MMAB: variants seen among roughly 807,000 people sequenced by gnomAD.
The protein encoded by MMAB is metabolism of cobalamin associated B.
Under a neutral mutation model 30.6 loss-of-function variants are expected in MMAB, and 17 were observed. The observed-to-expected ratio is 0.56, with a 90% CI of 0.38 to 0.83. The LOEUF (loss-of-function observed/expected upper bound fraction) is 0.83, where lower values mean the gene tolerates loss of function less well. MMAB is among the 40% of genes least tolerant of loss of function. The probability of loss-of-function intolerance (pLI) is 0.00; values close to 1 mark genes in which losing one functional copy is unlikely to be tolerated. For missense variants in MMAB, 311 were observed against 331.6 expected, an observed-to-expected ratio of 0.94 and a Z score of 0.48; for synonymous variants, 134 against 138.6, an observed-to-expected ratio of 0.97 and a Z score of 0.23.
chr12:109,571,844 T>C (rs1407375400), intron 1 of MMAB, 134 bp from the exon 2 acceptor site: 7 of 743,148 alleles, frequency 9.4e-6, no homozygotes, highest in Non-Finnish European at 1.7e-5. Context: ...GATGGTCATC[T>C]CTTGTTGATT....
rs1013599814 is a variant in MMAB at position 109,561,591 on chromosome 12, C to T, written c.422-74G>A. 11 of 1,361,660 alleles carry T rather than the reference C, an allele frequency of 8.1e-6. No individual in the cohort carries two copies. Among genetic ancestry groups the T allele is most frequent in the Admixed American group, 2.0e-5 (1 of 50,788 alleles). 84.3% of individuals were successfully genotyped at this position (1,361,660 alleles called of 1,614,324 possible). ...AGACCATGGCGGGAACCACCCCCGC[C>T]GCCCTTCCACCTGGGTGTCCCGCAG... is the stretch of plus-strand genomic sequence containing the variant. On this transcript the variant is annotated intron_variant, in intron 5 of 8. Coordinates refer to ENST00000545712, the MANE Select transcript of MMAB (RefSeq NM_052845.4). The surrounding 1 kb of genome is among the most constrained non-coding windows in gnomAD (Gnocchi z 5.3).
chr12:109,573,431 C>G lies in MMAB; in HGVS notation c.50G>C (p.Gly17Ala). ...GGCGGCGCCGAAGCACCCGCGCAGG[C>G]CAAGACGGCTCCCCAGGCCAAGACG... ...GSRLGLGSRL[G>A]LRGCFGAARL... The change falls in exon 1 of 9, where the codon GGC becomes GCC. Residue 17 changes from glycine (G) to alanine (A), a missense_variant. Transcript: ENST00000545712. The G allele has an allele frequency of 2.5e-6, 4 of 1,607,198 alleles. No individual in the cohort carries two copies. Among genetic ancestry groups the G allele is most frequent in the Non-Finnish European group, 2.5e-6 (3 of 1,177,788 alleles).
At position 109,569,587 on chromosome 12, in the gene MMAB, C is replaced by T. The variant is rs915536940; in HGVS notation, c.197-724G>A. Among the ~76,000 whole-genome samples the T allele has an allele frequency of 2.0e-5, 3 of 152,232 alleles. No homozygotes were observed. The highest frequency in any genetic ancestry group is 2.9e-5 in the Non-Finnish European group (2 of 68,038). On this transcript the variant is annotated intron_variant, in intron 2 of 8. Transcript: ENST00000545712. The surrounding 1 kb of genome is among the most constrained non-coding windows in gnomAD (Gnocchi z 4.1). Reference sequence around the variant, plus strand: ...AAGTCAAAGTCCTCTGTGCCTCTGCCTAGCTCACAGTCCCGCCTTTCTCCC... The same window carrying T: ...AAGTCAAAGTCCTCTGTGCCTCTGCTTAGCTCACAGTCCCGCCTTTCTCCC...
In MMAB at chr12:109,554,052, G is replaced by T. The variant is rs573257028; in HGVS notation, c.*2976C>A. The T allele has an allele frequency of 4.4e-6, 2 of 454,088 alleles. No individual in the cohort carries two copies. The highest frequency in any genetic ancestry group is 1.4e-4 in the East Asian group (2 of 14,402). 28.1% of individuals were successfully genotyped at this position (454,088 alleles called of 1,614,324 possible). Reference sequence around the variant, plus strand: ...GATCTATCAGAGCCTGGCATTGTTCGCCACAGCCCAGGTAGTGATTAAAAC... The same window carrying T: ...GATCTATCAGAGCCTGGCATTGTTCTCCACAGCCCAGGTAGTGATTAAAAC... On this transcript the variant is annotated 3_prime_UTR_variant, in exon 9 of 9. Transcript: ENST00000545712.
At chr12:109,570,700 T>C (rs142555965) in intron 2 of MMAB, among the ~76,000 whole-genome samples, 1 of 151,910 alleles carries the variant, frequency 6.6e-6, no homozygotes, top group Non-Finnish European at 1.5e-5. Context: ...CAAGACCTCA[T>C]CTCTACAAAA....
chr12:109,560,934 C>CCCCTCT, intron 7 of MMAB, 106 bp downstream of exon 7: 1 of 1,004,380 alleles, frequency 1.0e-6, no homozygotes, highest in South Asian at 1.3e-5. Flanking sequence ...TGTGCAGAGG[C>CCCCTCT]CCCTCTCCCT....
chr12:109,570,591 G>A (rs993673121), intron 2 of MMAB, among the ~76,000 whole-genome samples: 1 of 152,080 alleles, frequency 6.6e-6, no homozygotes, highest in Non-Finnish European at 1.5e-5. Context: ...TACTGTCTTG[G>A]TGCGGTAGCT....
chr12:109,555,248 C>G lies in MMAB; in HGVS notation c.*1780G>C, dbSNP rs1008275207. 2.2e-6 allele frequency: 1 copy of G among 447,098 alleles called. No homozygotes were observed. The allele number at this position is 447,098 out of a possible 1,614,324, so 27.7% of individuals were successfully genotyped here. A position where few individuals can be genotyped will look rare whatever the true frequency, so the allele number is the denominator to read the frequency against. On this transcript the variant is annotated 3_prime_UTR_variant, in exon 9 of 9. Coordinates refer to ENST00000545712, the MANE Select transcript of MMAB (RefSeq NM_052845.4). ...CAAGCTCTTTGAACATACTCCCTGA[C>G]CGAGCCTTAGTGATTGCGTTTTCAG...
At chr12:109,566,098 C>T (rs1034782685) in intron 3 of MMAB, among the ~76,000 whole-genome samples, 1 of 152,072 alleles carries the variant, frequency 6.6e-6, no homozygotes, top group Admixed American at 6.5e-5. Flanking sequence ...TCTGGAGTCA[C>T]TCAGCAGGGA....
At chr12:109,570,090 CG>C in intron 2 of MMAB, 1 of 318,190 alleles carries the variant, frequency 3.1e-6, no homozygotes, top group Non-Finnish European at 6.4e-6. Flanking sequence ...GGCAAATCCC[CG>C]TCTCTACTAA....
At position 109,561,200 on chromosome 12, in the gene MMAB, G is replaced by T. The variant is rs11610545; in HGVS notation, c.520-96C>A. ...GAAGTCCAGCCCTGCCCCCCAAACC[G>T]GGCAGTGTTCTGCCTCCAGGAGCCC... On this transcript the variant is annotated intron_variant, in intron 6 of 8. Transcript: ENST00000545712. The surrounding 1 kb of genome is among the most constrained non-coding windows in gnomAD (Gnocchi z 5.3). 1.3e-6 allele frequency: 2 copies of T among 1,594,228 alleles called. No individual in the cohort carries two copies. Among genetic ancestry groups the T allele is most frequent in the Non-Finnish European group, 1.7e-6 (2 of 1,175,714 alleles).
intron 8 of MMAB, among the ~76,000 whole-genome samples, chr12:109,557,893 T>A (rs1307961475): frequency 6.6e-6 from 1 of 152,214 alleles, no homozygotes; most frequent in East Asian, 1.9e-4. Context: ...CATGAGGCCT[T>A]CTGCAGGGGC....
intron 4 of MMAB, among the ~76,000 whole-genome samples, chr12:109,562,309 T>C (rs1318922237): frequency 6.6e-6 from 1 of 152,238 alleles, no homozygotes; most frequent in Non-Finnish European, 1.5e-5. Context: ...TAAACTTCTT[T>C]TCTTTATAAA....
chr12:109,565,052 G>T, intron 4 of MMAB, 67 bp downstream of exon 4: 1 of 1,189,676 alleles, frequency 8.4e-7, no homozygotes, highest in Non-Finnish European at 1.3e-6. Context: ...CTGGTGGCTG[G>T]ATGCTGAGTC....
intron 7 of MMAB, 57 bp from the exon 8 acceptor site, chr12:109,559,212 C>T (rs535211684): frequency 1.5e-6 from 2 of 1,340,892 alleles, no homozygotes; most frequent in African/African-American, 1.4e-5. Context: ...CAGGCTCTGA[C>T]CTGGGCCTAA....
Position 109,558,989 on chromosome 12 carries a change from G to C in MMAB, c.644+107C>G, listed in dbSNP as rs1444072024. 1.2e-6 allele frequency: 1 copy of C among 801,298 alleles called. No individual in the cohort carries two copies. The highest frequency in any genetic ancestry group is 1.9e-5 in the Admixed American group (1 of 52,478). The allele number at this position is 801,298 out of a possible 1,614,324, so 49.6% of individuals were successfully genotyped here. Reference sequence around the variant, plus strand: ...AAACACTAAGGGAATGAAGGAGGGGGTGCGGGAATGCTGCCCCACACTGCT... The same window carrying C: ...AAACACTAAGGGAATGAAGGAGGGGCTGCGGGAATGCTGCCCCACACTGCT... On this transcript the variant is annotated intron_variant, in intron 8 of 8. Transcript: ENST00000545712. The surrounding 1 kb of genome is among the most constrained non-coding windows in gnomAD (Gnocchi z 4.3).
Position 109,554,009 on chromosome 12 carries a change from T to C in MMAB, c.*3019A>G, listed in dbSNP as rs78065254. The C allele has an allele frequency of 2.2e-3, 1,021 of 454,026 alleles. 7 individuals carry two copies. Among genetic ancestry groups the C allele is most frequent in the African/African-American group, 0.018 (920 of 50,092 alleles). 28.1% of individuals were successfully genotyped at this position (454,026 alleles called of 1,614,324 possible). ...AAATATTAGTTAAGGGAAACTAGGTTGAGAAATGAGACAGCAGGATCTATC... is the reference window on the plus strand; with the variant it reads ...AAATATTAGTTAAGGGAAACTAGGTCGAGAAATGAGACAGCAGGATCTATC... On this transcript the variant is annotated 3_prime_UTR_variant, in exon 9 of 9. Transcript: ENST00000545712.
intron 8 of MMAB, among the ~76,000 whole-genome samples, chr12:109,557,518 G>A (rs1256044013): frequency 6.6e-6 from 1 of 152,220 alleles, no homozygotes. Context: ...GCATCACCAG[G>A]GGATCTCAGC....
intron 1 of MMAB, among the ~76,000 whole-genome samples, chr12:109,572,704 T>C (rs1404621729): frequency 6.6e-6 from 1 of 152,066 alleles, no homozygotes; most frequent in Non-Finnish European, 1.5e-5. Context: ...CTTAACTCTA[T>C]CCTACCCAAA....
Sources: allele counts gnomAD v4.1 joint callset (sites outside exome capture counted in the v4.1 genomes callset), GRCh38; gene constraint gnomAD v4.1.1; non-coding constraint Gnocchi (gnomAD v3.1); transcripts MANE v1.5; gene names NCBI Gene and HGNC (gene_info 2026-07-23, HGNC 2026-07-21).